Variants in MCTP2 observed in about 807,000 individuals in gnomAD.
MCTP2 encodes multiple C2 and transmembrane domain containing 2, also known as multiple C2 and transmembrane domain-containing protein 2.
A neutral mutation model predicts 111.6 loss-of-function variants in MCTP2; 132 were observed. The observed-to-expected ratio is 1.18, with a 90% CI of 1.03 to 1.37. MCTP2 has a LOEUF of 1.37. Ranked by LOEUF, MCTP2 falls within the 40% of genes most tolerant of loss-of-function variation. The pLI is 0.00. For missense variants in MCTP2, 1,183 were observed against 1,067.9 expected, an observed-to-expected ratio of 1.11 and a Z score of -1.50; for synonymous variants, 395 against 387.7, an observed-to-expected ratio of 1.02 and a Z score of -0.22.
chr15:94,360,052 T>C (rs2078840217), intron 10 of MCTP2, among the ~76,000 whole-genome samples: 1 of 152,202 alleles, frequency 6.6e-6, no homozygotes, highest in South Asian at 2.1e-4. Context: ...CAAGCATATG[T>C]GTGCACACAC....
At chr15:94,303,092 T>TTATATATATAGTTTATATA (rs367778742) in intron 2 of MCTP2, among the ~76,000 whole-genome samples, 16 of 21,154 alleles carry the variant, frequency 7.6e-4, no homozygotes, top group Non-Finnish European at 2.9e-3. Flanking sequence ...TATATATAGT[T>TTATATATATAGTTTATATA]TATATAGTTT....
At chr15:94,294,274 G>T (rs1045196494) in intron 1 of MCTP2, among the ~76,000 whole-genome samples, 2 of 152,184 alleles carry the variant, frequency 1.3e-5, no homozygotes, top group African/African-American at 4.8e-5. Flanking sequence ...GATTGTGATG[G>T]TGTAAACACA....
chr15:94,269,789 C>G (rs1394742226), intron 1 of MCTP2, among the ~76,000 whole-genome samples: 5 of 152,108 alleles, frequency 3.3e-5, no homozygotes, highest in Non-Finnish European at 7.4e-5. Context: ...TCTCTGGGCT[C>G]AACTCTGTAG....
chr15:94,312,463 C>T (rs1354390544), intron 2 of MCTP2, among the ~76,000 whole-genome samples: 1 of 152,176 alleles, frequency 6.6e-6, no homozygotes, highest in African/African-American at 2.4e-5. Context: ...CATCAAGCCA[C>T]ATTGAGAGTT....
intron 4 of MCTP2, among the ~76,000 whole-genome samples, chr15:94,321,419 G>A (rs919381205): frequency 6.6e-6 from 1 of 152,098 alleles, no homozygotes; most frequent in African/African-American, 2.4e-5. Flanking sequence ...CCATAAATAT[G>A]TACTATTATT....
chr15:94,258,232 T>C (rs1340316648), intron 1 of MCTP2, among the ~76,000 whole-genome samples: 1 of 152,100 alleles, frequency 6.6e-6, no homozygotes, highest in Non-Finnish European at 1.5e-5. Flanking sequence ...CCTTGGTTAC[T>C]TAATAATGTC....
chr15:94,480,795 ATTG>A lies in MCTP2; in HGVS notation c.*1767_*1769del, dbSNP rs1363698021. The A allele has an allele frequency of 1.3e-5, 2 of 152,176 alleles. No individual in the cohort carries two copies. The highest frequency in any genetic ancestry group is 1.5e-5 in the Non-Finnish European group (1 of 68,012). The allele number at this position is 152,176 out of a possible 1,614,324, so 9.4% of individuals were successfully genotyped here. On this transcript the variant is annotated 3_prime_UTR_variant, in exon 23 of 23. Coordinates refer to ENST00000357742, the MANE Select transcript of MCTP2 (RefSeq NM_001385001.1). The stretch of plus-strand genomic sequence containing the variant: ...TATTTAAAAGTGGAACCAATACTTT[ATTG>A]TTGTTCTTTTGCTATAGAATTTCAA...
intron 19 of MCTP2, among the ~76,000 whole-genome samples, chr15:94,450,741 T>A (rs1396625048): frequency 6.6e-6 from 1 of 152,238 alleles, no homozygotes; most frequent in Non-Finnish European, 1.5e-5. Context: ...AGAATTCTGT[T>A]CATCCTGTGA....
At chr15:94,276,656 G>A (rs12438603) in intron 1 of MCTP2, among the ~76,000 whole-genome samples, 58,908 of 104,712 alleles carry the variant, frequency 0.56, 15,832 homozygotes, top group South Asian at 0.59. Context: ...ATATTACAAT[G>A]CAAATAAGAA....
chr15:94,357,350 G>A (rs549483980), intron 9 of MCTP2, among the ~76,000 whole-genome samples: 49 of 152,286 alleles, frequency 3.2e-4, no homozygotes, highest in African/African-American at 1.2e-3. Flanking sequence ...CACAGTGAGG[G>A]TATCCAGGAT....
chr15:94,309,708 C>G (rs1197814340), intron 2 of MCTP2, among the ~76,000 whole-genome samples: 1 of 152,166 alleles, frequency 6.6e-6, no homozygotes, highest in East Asian at 1.9e-4. Flanking sequence ...CTCCCCATAT[C>G]CTGCCGAATT....
At chr15:94,430,802 C>T (rs549316556) in intron 17 of MCTP2, among the ~76,000 whole-genome samples, 6 of 151,992 alleles carry the variant, frequency 3.9e-5, no homozygotes, top group African/African-American at 1.4e-4. Flanking sequence ...GGCATACTCC[C>T]GATTCTGGGC....
At chr15:94,394,899 G>C (rs769915305) in intron 14 of MCTP2, among the ~76,000 whole-genome samples, 1 of 152,116 alleles carries the variant, frequency 6.6e-6, no homozygotes, top group African/African-American at 2.4e-5. Flanking sequence ...TAGTTGGTTT[G>C]GGTTTCAGGC....
At chr15:94,391,972 A>C (rs16949077) in intron 14 of MCTP2, among the ~76,000 whole-genome samples, 18,281 of 152,222 alleles carry the variant, frequency 0.12, 1,256 homozygotes, top group African/African-American at 0.13. Flanking sequence ...AAAACACAGT[A>C]ATACACAAAC....
intron 2 of MCTP2, among the ~76,000 whole-genome samples, chr15:94,308,560 A>G (rs1337135212): frequency 6.6e-6 from 1 of 152,272 alleles, no homozygotes; most frequent in Non-Finnish European, 1.5e-5. Flanking sequence ...TACAAGGAGC[A>G]TAAATTTTAC....
chr15:94,412,095 A>G (rs1189160739), intron 17 of MCTP2, among the ~76,000 whole-genome samples: 1 of 152,180 alleles, frequency 6.6e-6, no homozygotes, highest in African/African-American at 2.4e-5. Flanking sequence ...AGGGGCTTTC[A>G]TGGTCAGTCT....
chr15:94,243,315 GCGTACATACGTA>G (rs1567250942), intron 1 of MCTP2, among the ~76,000 whole-genome samples: 49 of 74,530 alleles, frequency 6.6e-4, no homozygotes, highest in African/African-American at 2.1e-3. Flanking sequence ...ACATACGTAT[GCGTACATACGTA>G]TGCGTATATG....
intron 17 of MCTP2, among the ~76,000 whole-genome samples, chr15:94,420,753 G>T (rs1260128622): frequency 4.6e-5 from 7 of 152,148 alleles, no homozygotes; most frequent in Non-Finnish European, 1.0e-4. Flanking sequence ...TCTACTCCTG[G>T]TGAAGATGCT....
At chr15:94,232,712 A>G (rs1025049127) in intron 1 of MCTP2, among the ~76,000 whole-genome samples, 1 of 152,128 alleles carries the variant, frequency 6.6e-6, no homozygotes, top group Non-Finnish European at 1.5e-5. Flanking sequence ...AACGAGACCA[A>G]TGGTGCTGCG....
Sources: allele counts gnomAD v4.1 joint callset (sites outside exome capture counted in the v4.1 genomes callset), GRCh38; gene constraint gnomAD v4.1.1; transcripts MANE v1.5; gene names NCBI Gene and HGNC (gene_info 2026-07-23, HGNC 2026-07-21).